The following GPATCH2 variants were observed in gnomAD, a reference collection of about 807,000 sequenced individuals.
GPATCH2 encodes the protein G-patch domain containing 2.
Under a neutral mutation model 58.0 loss-of-function variants are expected in GPATCH2, and 51 were observed. That is an observed-to-expected ratio of 0.88 (90% CI 0.70 to 1.11). The LOEUF (loss-of-function observed/expected upper bound fraction) is 1.11, where lower values mean the gene tolerates loss of function less well. Among genes scored for constraint, GPATCH2 ranks in the 50% most tolerant of loss-of-function variants. The pLI, the probability that GPATCH2 is intolerant of heterozygous loss-of-function variation, is 0.00. For synonymous variants in GPATCH2, 222 were observed against 218.5 expected (o/e 1.02, Z -0.14); for missense variants, 625 against 652.2 (o/e 0.96, Z 0.45).
chr1:217,563,757 T>A (rs940107206), intron 5 of GPATCH2, among the ~76,000 whole-genome samples: 2 of 152,080 alleles, frequency 1.3e-5, no homozygotes, highest in Non-Finnish European at 2.9e-5. Context: ...TAAAGAAGTA[T>A]ATGTAGGCCG....
At chr1:217,517,735 A>T (rs1663238904) in intron 5 of GPATCH2, among the ~76,000 whole-genome samples, 1 of 152,154 alleles carries the variant, frequency 6.6e-6, no homozygotes, top group Non-Finnish European at 1.5e-5. Context: ...TTCTTCTCCA[A>T]AACACATGCT....
chr1:217,609,799 G>A (rs1372818976), intron 5 of GPATCH2: 1 of 979,234 alleles, frequency 1.0e-6, no homozygotes, highest in African/African-American at 1.7e-5. Flanking sequence ...TAAACATTAA[G>A]GAATACTTGT....
chr1:217,600,026 TTAAAGA>T (rs142150233), intron 5 of GPATCH2, among the ~76,000 whole-genome samples: 3 of 152,246 alleles, frequency 2.0e-5, no homozygotes, highest in East Asian at 1.9e-4. Flanking sequence ...TACATGTCAC[TTAAAGA>T]TAAACACTCC....
intron 9 of GPATCH2, 76 bp downstream of exon 9, chr1:217,449,173 G>A (rs202226968): frequency 1.2e-6 from 1 of 808,698 alleles, no homozygotes; most frequent in Non-Finnish European, 2.2e-6. Context: ...AAGTGATTAA[G>A]AAGTATCTAC....
intron 3 of GPATCH2, among the ~76,000 whole-genome samples, chr1:217,611,780 C>A (rs1442335994): frequency 6.6e-6 from 1 of 152,056 alleles, no homozygotes; most frequent in Non-Finnish European, 1.5e-5. Flanking sequence ...AGTGACAATA[C>A]CTTAGAGTTT....
chr1:217,434,682 T>A (rs190925270), intron 9 of GPATCH2, among the ~76,000 whole-genome samples: 35 of 152,320 alleles, frequency 2.3e-4, no homozygotes, highest in Admixed American at 2.3e-3. Flanking sequence ...AAGGCCAATT[T>A]AAAATATTTC....
At chr1:217,506,149 C>T (rs573637084) in intron 6 of GPATCH2, among the ~76,000 whole-genome samples, 107 of 152,280 alleles carry the variant, frequency 7.0e-4, no homozygotes, top group Admixed American at 1.4e-3. Context: ...AAGGCATATA[C>T]GGTTTCATAA....
At chr1:217,498,778 T>TA (rs753472983) in intron 6 of GPATCH2, 94 of 290,174 alleles carry the variant, frequency 3.2e-4, no homozygotes, top group South Asian at 4.9e-4. Flanking sequence ...GTTGGAGTTA[T>TA]AAAAAAAATG....
rs7339136 is a variant in GPATCH2 at position 217,439,992 on chromosome 1, G to A, written c.1367-8627C>T. Among the ~76,000 whole-genome samples the A allele has an allele frequency of 3.6e-3, 545 of 152,232 alleles. 4 individuals are homozygous for A. The highest frequency in any genetic ancestry group is 0.012 in the African/African-American group (502 of 41,536). ...ACTATTCCAAAGGATAGAAAAAGAG[G>A]GACTCCTCCCAGACTCATTTTATGA... On this transcript the variant is annotated intron_variant, in intron 9 of 9. Coordinates refer to ENST00000366935, the MANE Select transcript of GPATCH2 (RefSeq NM_018040.5).
chr1:217,564,044 C>CG (rs1445674777), intron 5 of GPATCH2, among the ~76,000 whole-genome samples: 3 of 33,276 alleles, frequency 9.0e-5, no homozygotes, highest in African/African-American at 3.7e-4. Flanking sequence ...AACTCCGTCT[C>CG]GAAAAAAAAA....
chr1:217,588,622 A>C (rs1217092369), intron 5 of GPATCH2, among the ~76,000 whole-genome samples: 1 of 152,212 alleles, frequency 6.6e-6, no homozygotes, highest in Non-Finnish European at 1.5e-5. Flanking sequence ...AAATAAAATA[A>C]ATAGTGCACA....
intron 5 of GPATCH2, among the ~76,000 whole-genome samples, chr1:217,581,315 T>C (rs973755577): frequency 2.6e-5 from 4 of 152,182 alleles, no homozygotes; most frequent in Middle Eastern, 3.2e-3. Context: ...TAAACTTTAA[T>C]GCCTAGCACA....
chr1:217,599,991 A>G (rs77514971), intron 5 of GPATCH2, among the ~76,000 whole-genome samples: 1,683 of 152,292 alleles, frequency 0.011, 32 homozygotes, highest in African/African-American at 0.038. Flanking sequence ...AACCAAGTAG[A>G]TACCATTAAA....
chr1:217,546,741 T>C (rs1010197253), intron 5 of GPATCH2, among the ~76,000 whole-genome samples: 34 of 152,046 alleles, frequency 2.2e-4, no homozygotes, highest in Admixed American at 5.2e-4. Flanking sequence ...AAAGAAAAAG[T>C]TGACAAATGG....
chr1:217,564,045 G>GA (rs59348467), intron 5 of GPATCH2, among the ~76,000 whole-genome samples: 696 of 58,238 alleles, frequency 0.012, 38 homozygotes, highest in African/African-American at 0.027. Flanking sequence ...ACTCCGTCTC[G>GA]AAAAAAAAAA....
At chr1:217,613,031 T>G (rs940021958) in intron 3 of GPATCH2, among the ~76,000 whole-genome samples, 2 of 152,118 alleles carry the variant, frequency 1.3e-5, no homozygotes, top group African/African-American at 4.8e-5. Flanking sequence ...TTTTTTTACT[T>G]TTTTTCATTT....
intron 5 of GPATCH2, among the ~76,000 whole-genome samples, chr1:217,516,340 TTACTTCTTCCCG>T (rs1303144097): frequency 6.6e-6 from 1 of 152,194 alleles, no homozygotes; most frequent in Non-Finnish European, 1.5e-5. Context: ...TTTCAAAACC[TTACTTCTTCCCG>T]TATCACTTGG....
intron 8 of GPATCH2, among the ~76,000 whole-genome samples, chr1:217,481,099 C>A (rs1181478756): frequency 6.6e-6 from 1 of 151,998 alleles, no homozygotes; most frequent in Non-Finnish European, 1.5e-5. Context: ...TTTGATAGGA[C>A]AACAAGTGAC....
chr1:217,574,946 C>A (rs1350691991), intron 5 of GPATCH2, among the ~76,000 whole-genome samples: 2 of 152,158 alleles, frequency 1.3e-5, no homozygotes, highest in African/African-American at 4.8e-5. Flanking sequence ...TATGAAAGAT[C>A]ATTTTTTCAC....
Sources: allele counts gnomAD v4.1 joint callset (sites outside exome capture counted in the v4.1 genomes callset), GRCh38; gene constraint gnomAD v4.1.1; transcripts MANE v1.5; gene names NCBI Gene and HGNC (gene_info 2026-07-23, HGNC 2026-07-21).